Variants in GLO1 observed in about 807,000 individuals in gnomAD.
The protein encoded by GLO1 is lactoylglutathione lyase.
A neutral mutation model predicts 26.0 loss-of-function variants in GLO1; 28 were observed. The ratio of observed to expected loss-of-function variants is 1.08; its 90% CI spans 0.80 to 1.48. The LOEUF is 1.48. GLO1 is among the 40% of genes most tolerant of loss of function. The pLI is 0.00. For synonymous variants in GLO1, 78 were observed against 77.6 expected (o/e 1.00, Z -0.03); for missense variants, 225 against 224.8 (o/e 1.00, Z -0.01).
At chr6:38,678,754 G>A (rs1321039385) in intron 5 of GLO1, among the ~76,000 whole-genome samples, 2 of 152,234 alleles carry the variant, frequency 1.3e-5, no homozygotes, top group African/African-American at 4.8e-5. Context: ...CCCAGGGCTA[G>A]GGAATAACAC....
chr6:38,687,114 C>T (rs188415833), intron 1 of GLO1, 140 bp from the exon 2 acceptor site: 546 of 1,424,200 alleles, frequency 3.8e-4, no homozygotes, highest in Admixed American at 9.1e-4. Flanking sequence ...TCAGTGGTAT[C>T]TTCTGGTTGC....
Position 38,675,961 on chromosome 6 carries a change from T to G in GLO1, c.*1334A>C, listed in dbSNP as rs1165006656. 6.6e-6 allele frequency: 1 copy of G among 152,132 alleles called. No homozygotes were observed. The highest frequency in any genetic ancestry group is 1.5e-5 in the Non-Finnish European group (1 of 68,020). The allele number at this position is 152,132 out of a possible 1,614,324, so 9.4% of individuals were successfully genotyped here. A position where few individuals can be genotyped will look rare whatever the true frequency, so the allele number is the denominator to read the frequency against. The stretch of plus-strand genomic sequence containing the variant: ...AACATAGTCTTATTTGAAGTTTCAT[T>G]TTATTTCAGTCTATAAGTATTGCTA... On this transcript the variant is annotated 3_prime_UTR_variant, in exon 6 of 6. Transcript: ENST00000373365.
chr6:38,677,197 G>A lies in GLO1; in HGVS notation c.*98C>T. The A allele has an allele frequency of 1.3e-6, 1 of 746,564 alleles. No homozygotes were observed. The highest frequency in any genetic ancestry group is 2.0e-5 in the Admixed American group (1 of 48,964). The allele number at this position is 746,564 out of a possible 1,614,324, so 46.2% of individuals were successfully genotyped here. ...TGGACTGAAGAATAATTTGAATCGGGACAGTGATCCATCAGTCCTAGATGC... is the reference window on the plus strand; with the variant it reads ...TGGACTGAAGAATAATTTGAATCGGAACAGTGATCCATCAGTCCTAGATGC... On this transcript the variant is annotated 3_prime_UTR_variant, in exon 6 of 6. Coordinates refer to ENST00000373365, the MANE Select transcript of GLO1 (RefSeq NM_006708.3).
chr6:38,686,046 T>C (rs1409594495), intron 2 of GLO1, among the ~76,000 whole-genome samples: 1 of 152,234 alleles, frequency 6.6e-6, no homozygotes, highest in Non-Finnish European at 1.5e-5. Context: ...TCAATAAATC[T>C]GTTTTCATTT....
chr6:38,679,793 C>CA (rs58819710), intron 5 of GLO1, among the ~76,000 whole-genome samples: 1,668 of 124,636 alleles, frequency 0.013, 30 homozygotes, highest in African/African-American at 0.036. Context: ...GACTCTGTCT[C>CA]AAAAAAAAAA....
At chr6:38,697,968 G>T (rs1278429222) in intron 1 of GLO1, among the ~76,000 whole-genome samples, 1 of 152,118 alleles carries the variant, frequency 6.6e-6, no homozygotes, top group East Asian at 1.9e-4. Flanking sequence ...ATACTTCAGT[G>T]GTTCCTCAAC....
chr6:38,688,962 G>T (rs1288877808), intron 1 of GLO1, among the ~76,000 whole-genome samples: 2 of 152,210 alleles, frequency 1.3e-5, no homozygotes. Flanking sequence ...TAGAAGAGGA[G>T]TGTGGCATAA....
rs536201433 is a variant in GLO1, at chr6:38,690,585, C to G, written c.85-3611G>C. ...CACATGCATATGAAAACAAATACCA[C>G]TTAATATGCTATTGAGATTAATTAT... On this transcript the variant is annotated intron_variant, in intron 1 of 5. Transcript: ENST00000373365. Among the ~76,000 whole-genome samples, 247 of 152,190 alleles carry G rather than the reference C, an allele frequency of 1.6e-3. 1 individual carries two copies. The highest frequency in any genetic ancestry group is 0.013 in the South Asian group (61 of 4,822).
chr6:38,691,012 A>G (rs1424928202), intron 1 of GLO1, among the ~76,000 whole-genome samples: 2 of 152,198 alleles, frequency 1.3e-5, no homozygotes, highest in Non-Finnish European at 2.9e-5. Context: ...GTTCTAAAAT[A>G]TCGTTTAAAA....
At chr6:38,682,989 A>C in intron 3 of GLO1, 114 bp from the exon 4 acceptor site, 1 of 654,882 alleles carries the variant, frequency 1.5e-6, no homozygotes, top group South Asian at 1.9e-5. Flanking sequence ...TAATTGGCCT[A>C]ACCCCTGCTA....
intron 1 of GLO1, among the ~76,000 whole-genome samples, chr6:38,696,385 T>C (rs1455572604): frequency 6.6e-6 from 1 of 152,214 alleles, no homozygotes; most frequent in East Asian, 1.9e-4. Context: ...CCATTTAGGC[T>C]GCTGTAACAA....
At chr6:38,688,477 T>C (rs1761486047) in intron 1 of GLO1, among the ~76,000 whole-genome samples, 1 of 152,162 alleles carries the variant, frequency 6.6e-6, no homozygotes, top group Non-Finnish European at 1.5e-5. Context: ...GGTCTAAGTA[T>C]ACATTAAAAC....
intron 2 of GLO1, among the ~76,000 whole-genome samples, chr6:38,686,083 T>A (rs1761456750): frequency 6.6e-6 from 1 of 152,186 alleles, no homozygotes; most frequent in African/African-American, 2.4e-5. Flanking sequence ...CATAAATATA[T>A]TCATAATACC....
At chr6:38,700,232 G>A (rs1446157856) in intron 1 of GLO1, among the ~76,000 whole-genome samples, 1 of 152,178 alleles carries the variant, frequency 6.6e-6, no homozygotes, top group African/African-American at 2.4e-5. Flanking sequence ...ACACATTTTT[G>A]CTAAGATGTT....
intron 5 of GLO1, among the ~76,000 whole-genome samples, chr6:38,677,909 C>T (rs1030908130): frequency 6.6e-5 from 10 of 152,136 alleles, no homozygotes; most frequent in Non-Finnish European, 8.8e-5. Context: ...CTGGCTGCAT[C>T]TTTTAGGTAT....
Position 38,702,980 on chromosome 6 carries a change from G to A in GLO1, c.75C>T (p.Pro25=). The change falls in exon 1 of 6, where the codon CCC becomes CCT. Residue 25 remains proline, a synonymous_variant. Transcript: ENST00000373365. ...TCGGTCCTGTGCCCACCTTGGTACT[G>A]GGGTCCGCGTCGGAGCAGCAACTGA... ...AALSCCSDAD[P]STKDFLLQQT... is the part of the protein sequence containing the mutation. The A allele has an allele frequency of 6.4e-7, 1 of 1,572,094 alleles. No individual in the cohort carries two copies. Among genetic ancestry groups the A allele is most frequent in the Non-Finnish European group, 8.7e-7 (1 of 1,143,756 alleles).
Position 38,702,875 on chromosome 6 carries a change from G to A in GLO1, c.84+96C>T, listed in dbSNP as rs1582784950. On this transcript the variant is annotated intron_variant, in intron 1 of 5. Coordinates refer to ENST00000373365, the MANE Select transcript of GLO1 (RefSeq NM_006708.3). ...ACACTCCCGTCCGCCCGAGGCCGGCGGACCTGCAGCGGCGGCGGGATGGGG... is the reference window on the plus strand; with the variant it reads ...ACACTCCCGTCCGCCCGAGGCCGGCAGACCTGCAGCGGCGGCGGGATGGGG... 5 of 699,980 alleles carry A rather than the reference G, an allele frequency of 7.1e-6. No individual in the cohort carries two copies. In the South Asian group the frequency reaches 8.1e-5, roughly 11 times the overall value. The allele number at this position is 699,980 out of a possible 1,614,324, so 43.4% of individuals were successfully genotyped here.
chr6:38,682,842 A>G lies in GLO1; in HGVS notation c.342T>C (p.Ser114=), dbSNP rs1402722657. 3 of 1,606,712 alleles carry G rather than the reference A, an allele frequency of 1.9e-6. No homozygotes were observed. The highest frequency in any genetic ancestry group is 2.6e-6 in the Non-Finnish European group (3 of 1,173,334). Reference sequence around the variant, plus strand: ...GAGGGTCTGAATTGCCATTGTGGTAACTCTGGGTCTCATCATCTTCAGTGC... The same window carrying G: ...GAGGGTCTGAATTGCCATTGTGGTAGCTCTGGGTCTCATCATCTTCAGTGC... The part of the protein sequence containing the change: ...NWGTEDDETQ[S]YHNGNSDPRG... The change falls in exon 4 of 6, where the codon AGT becomes AGC. Residue 114 remains serine, a synonymous_variant. Transcript: ENST00000373365.
chr6:38,698,884 G>C (rs1270999335), intron 1 of GLO1, among the ~76,000 whole-genome samples: 1 of 152,008 alleles, frequency 6.6e-6, no homozygotes, highest in African/African-American at 2.4e-5. Context: ...CTCACCTTCT[G>C]GAAGAGCTTT....
Sources: gnomAD v4.1 joint callset for allele counts (sites outside exome capture counted in the v4.1 genomes callset) on GRCh38, gnomAD v4.1.1 for gene constraint, MANE v1.5 for transcripts, NCBI Gene and HGNC (gene_info 2026-07-23, HGNC 2026-07-21) for gene names.